The following YY1 variants were observed in gnomAD, a reference collection of about 807,000 sequenced individuals.
YY1 encodes the protein YY1 transcription factor.
Under a neutral mutation model 35.6 loss-of-function variants are expected in YY1, and 2 were observed. That is an observed-to-expected ratio of 0.06 (90% CI 0.02 to 0.18). The LOEUF (loss-of-function observed/expected upper bound fraction) is 0.18, where lower values mean the gene tolerates loss of function less well. Among genes scored for constraint, YY1 ranks in the 10% least tolerant of loss-of-function variants. The pLI, the probability that YY1 is intolerant of heterozygous loss-of-function variation, is 1.00. For missense variants in YY1, 322 were observed against 573.4 expected, an observed-to-expected ratio of 0.56 and a Z score of 4.48; for synonymous variants, 268 against 238.9, an observed-to-expected ratio of 1.12 and a Z score of -1.12.
intron 1 of YY1, among the ~76,000 whole-genome samples, chr14:100,247,839 C>T (rs1180488326): frequency 1.3e-5 from 2 of 152,188 alleles, no homozygotes; most frequent in African/African-American, 4.8e-5. Flanking sequence ...AGGGGACTGA[C>T]CTTGAGATCT....
In YY1 at chr14:100,243,590, C is replaced by G. The variant is rs1425268948; in HGVS notation, c.679+3667C>G. On this transcript the variant is annotated intron_variant, in intron 1 of 4. Coordinates refer to ENST00000262238, the MANE Select transcript of YY1 (RefSeq NM_003403.5). ...GGAGGATCGCTTAAGCCCAGGAGTT[C>G]GAGATGAACCTTGGCAATATAGTGA... is the stretch of plus-strand genomic sequence containing the variant. Among the ~76,000 whole-genome samples the G allele has an allele frequency of 2.6e-5, 4 of 151,636 alleles. No individual in the cohort carries two copies. In the South Asian group the frequency reaches 8.3e-4, roughly 32 times the overall value.
intron 1 of YY1, among the ~76,000 whole-genome samples, chr14:100,242,371 GTTTTTTGTTTTTTTTTTTTTT>G (rs1890760569): frequency 1.9e-5 from 1 of 51,466 alleles, no homozygotes; most frequent in African/African-American, 8.6e-5. Flanking sequence ...GTTTTGTTTT[GTTTTTTGTTTTTTTTTTTTTT>G]TTTTTTTTTT....
intron 1 of YY1, among the ~76,000 whole-genome samples, chr14:100,251,266 A>C (rs984119951): frequency 6.6e-6 from 1 of 152,214 alleles, no homozygotes; most frequent in South Asian, 2.1e-4. Context: ...TGACTGCCAA[A>C]GAGGAAGTAG....
intron 2 of YY1, among the ~76,000 whole-genome samples, chr14:100,268,635 A>G (rs564764225): frequency 2.4e-4 from 37 of 152,250 alleles, no homozygotes; most frequent in African/African-American, 8.7e-4. Context: ...ATACCTCACA[A>G]CTCTTCAGTA....
intron 1 of YY1, among the ~76,000 whole-genome samples, chr14:100,255,870 TC>T (rs925802307): frequency 3.3e-5 from 5 of 152,204 alleles, no homozygotes; most frequent in African/African-American, 9.6e-5. Context: ...TGCAAAGTCT[TC>T]CTCATTCTCT....
chr14:100,253,839 C>CT (rs918269804), intron 1 of YY1, among the ~76,000 whole-genome samples: 4 of 151,684 alleles, frequency 2.6e-5, no homozygotes, highest in African/African-American at 7.3e-5. Context: ...TTATAATTTT[C>CT]TTTTTTTGAG....
chr14:100,243,425 C>CT (rs1203580894), intron 1 of YY1, among the ~76,000 whole-genome samples: 1 of 152,108 alleles, frequency 6.6e-6, no homozygotes, highest in Non-Finnish European at 1.5e-5. Context: ...ACTTGAAGTC[C>CT]TTATAAAAAT....
intron 2 of YY1, among the ~76,000 whole-genome samples, chr14:100,267,722 C>T (rs528099054): frequency 6.6e-6 from 1 of 152,266 alleles, no homozygotes; most frequent in East Asian, 1.9e-4. Context: ...CAGGGTTTCA[C>T]CATGTTGGCC....
At chr14:100,251,262 C>T (rs1448762164) in intron 1 of YY1, among the ~76,000 whole-genome samples, 1 of 152,048 alleles carries the variant, frequency 6.6e-6, no homozygotes, top group Non-Finnish European at 1.5e-5. Context: ...AGATTGACTG[C>T]CAAAGAGGAA....
intron 1 of YY1, among the ~76,000 whole-genome samples, chr14:100,242,648 A>G (rs1890768398): frequency 6.6e-6 from 1 of 152,094 alleles, no homozygotes; most frequent in South Asian, 2.1e-4. Context: ...TCGGCCTCCC[A>G]AAGTGCTGGG....
rs913385466 is a variant in YY1 at position 100,276,861 on chromosome 14, T to C, written c.1062+213T>C. 3.2e-6 allele frequency: 2 copies of C among 621,050 alleles called. No individual in the cohort carries two copies. The highest frequency in any genetic ancestry group is 2.8e-6 in the Non-Finnish European group (1 of 357,910). The allele number at this position is 621,050 out of a possible 1,614,324, so 38.5% of individuals were successfully genotyped here. On this transcript the variant is annotated intron_variant, in intron 4 of 4. Transcript: ENST00000262238. This position sits in a 1 kb window ranked among gnomAD's most constrained non-coding sequence, Gnocchi z 4.1. ...ATACTCTGTGGTACTGGGTACGCAA[T>C]GTATTGGTGTTGATGGAGTACACTT...
At chr14:100,240,177 G>A (rs1306164469) in intron 1 of YY1, among the ~76,000 whole-genome samples, 1 of 145,368 alleles carries the variant, frequency 6.9e-6, no homozygotes, top group South Asian at 2.1e-4. Context: ...CCGAGAGGGG[G>A]AAGCGCCGCG....
intron 2 of YY1, chr14:100,264,320 G>A (rs1423776732): frequency 6.6e-6 from 1 of 152,318 alleles, no homozygotes; most frequent in Non-Finnish European, 1.5e-5. Context: ...GGGATTACAG[G>A]TGCATGCCAC....
At chr14:100,244,320 C>CTTTT (rs869125410) in intron 1 of YY1, among the ~76,000 whole-genome samples, 6 of 89,696 alleles carry the variant, frequency 6.7e-5, no homozygotes, top group African/African-American at 2.3e-4. Flanking sequence ...TCCTTTTTTA[C>CTTTT]TTTTTTTTTT....
intron 1 of YY1, among the ~76,000 whole-genome samples, chr14:100,244,108 C>CAAAA (rs996921204): frequency 9.0e-6 from 1 of 111,004 alleles, no homozygotes; most frequent in Non-Finnish European, 1.9e-5. Flanking sequence ...ACTCCGTCTC[C>CAAAA]AAAAAAAAAA....
At chr14:100,256,293 G>A (rs1037194556) in intron 1 of YY1, among the ~76,000 whole-genome samples, 6 of 152,094 alleles carry the variant, frequency 3.9e-5, no homozygotes, top group African/African-American at 1.4e-4. Context: ...AACCAAAGAG[G>A]AACTCTAAAT....
chr14:100,276,727 A>AG lies in YY1; in HGVS notation c.1062+81dup. ...AGTGTAGGTGGTGTGGTGATGAGGC[A>AG]GGAGGCGCCAGCCCAGAGACTCAGG... is the stretch of plus-strand genomic sequence containing the variant. On this transcript the variant is annotated intron_variant, in intron 4 of 4. Transcript: ENST00000262238. This position sits in a 1 kb window ranked among gnomAD's most constrained non-coding sequence, Gnocchi z 4.1. 6.2e-7 allele frequency: 1 copy of AG among 1,602,222 alleles called. No homozygotes were observed. Among genetic ancestry groups the AG allele is most frequent in the Non-Finnish European group, 8.5e-7 (1 of 1,173,274 alleles).
intron 2 of YY1, among the ~76,000 whole-genome samples, chr14:100,272,157 A>G (rs908031404): frequency 2.6e-5 from 4 of 152,014 alleles, no homozygotes; most frequent in Admixed American, 6.6e-5. Context: ...TTAGCCGGGC[A>G]TGGTGGCGGG....
intron 1 of YY1, among the ~76,000 whole-genome samples, chr14:100,254,008 A>G (rs1434500688): frequency 6.6e-6 from 1 of 150,758 alleles, no homozygotes; most frequent in Non-Finnish European, 1.5e-5. Context: ...TTTTTTTTAT[A>G]TATTTTTGCT....
Sources: gnomAD v4.1 joint callset for allele counts (sites outside exome capture counted in the v4.1 genomes callset) on GRCh38, gnomAD v4.1.1 for gene constraint, Gnocchi (gnomAD v3.1) non-coding constraint, MANE v1.5 for transcripts, NCBI Gene and HGNC (gene_info 2026-07-23, HGNC 2026-07-21) for gene names.